Variants in GK5 observed in about 807,000 individuals in gnomAD.
The protein encoded by GK5 is ATP:glycerol 3-phosphotransferase 5.
GK5 carries 39 observed loss-of-function variants against 77.3 expected under a neutral mutation model. The ratio of observed to expected loss-of-function variants is 0.50; its 90% CI spans 0.39 to 0.66. The LOEUF is 0.66. Ranked by LOEUF, GK5 falls within the 30% of genes least tolerant of loss-of-function variation. GK5 has a pLI of 0.00. For missense variants in GK5, 487 were observed against 633.8 expected, an observed-to-expected ratio of 0.77 and a Z score of 2.49; for synonymous variants, 211 against 208.0, an observed-to-expected ratio of 1.01 and a Z score of -0.13.
intron 7 of GK5, 69 bp downstream of exon 7, chr3:142,186,383 T>C (rs914740138): frequency 1.5e-5 from 16 of 1,061,192 alleles, no homozygotes; most frequent in Non-Finnish European, 2.2e-5. Flanking sequence ...TAAACTAATT[T>C]TAAAAATTTA....
intron 4 of GK5, among the ~76,000 whole-genome samples, chr3:142,201,987 A>G (rs2107789751): frequency 6.6e-6 from 1 of 152,306 alleles, no homozygotes; most frequent in East Asian, 1.9e-4. Context: ...CAGATGTGCT[A>G]CATGAGCTCG....
intron 3 of GK5, among the ~76,000 whole-genome samples, chr3:142,207,732 G>A (rs1323737497): frequency 1.3e-5 from 2 of 152,080 alleles, no homozygotes; most frequent in Non-Finnish European, 2.9e-5. Flanking sequence ...GACCCCCCTG[G>A]ACCCAGCTTT....
At chr3:142,186,630 C>CT (rs781196956) in intron 6 of GK5, 117 bp from the exon 7 acceptor site, 32,003 of 261,316 alleles carry the variant, frequency 0.12, 589 homozygotes, top group South Asian at 0.16. Flanking sequence ...TGTGTATTTT[C>CT]TTTTTTTTTT....
rs543786098 is a variant in GK5 at position 142,183,420 on chromosome 3, A to G, written c.817-371T>C. The G allele has an allele frequency of 5.6e-5, 9 of 161,676 alleles. No individual in the cohort carries two copies. The East Asian group carries it at 1.6e-3, about 29-fold the overall frequency. The allele number at this position is 161,676 out of a possible 1,614,324, so 10.0% of individuals were successfully genotyped here. On this transcript the variant is annotated intron_variant, in intron 9 of 15. Coordinates refer to ENST00000392993, the MANE Select transcript of GK5 (RefSeq NM_001039547.3). ...GTGATCCTCCCACCTCAGCCTCCCAAGTAGCTAGGACTACAAGGCAGCTAG... is the reference window on the plus strand; with the variant it reads ...GTGATCCTCCCACCTCAGCCTCCCAGGTAGCTAGGACTACAAGGCAGCTAG...
intron 1 of GK5, among the ~76,000 whole-genome samples, chr3:142,221,775 T>C (rs1407601553): frequency 6.6e-6 from 1 of 152,210 alleles, no homozygotes; most frequent in Non-Finnish European, 1.5e-5. Context: ...CTTCTAGTAG[T>C]TAATTTGTAT....
chr3:142,193,831 C>T (rs1334147675), intron 5 of GK5, among the ~76,000 whole-genome samples: 1 of 152,154 alleles, frequency 6.6e-6, no homozygotes, highest in East Asian at 1.9e-4. Context: ...ACCTCTGCCT[C>T]CCCAGTTCAA....
At chr3:142,173,659 G>A (rs1265530669) in intron 12 of GK5, among the ~76,000 whole-genome samples, 1 of 151,840 alleles carries the variant, frequency 6.6e-6, no homozygotes, top group African/African-American at 2.4e-5. Flanking sequence ...ACTCTAGCCT[G>A]GGCAACAGAG....
chr3:142,183,446 G>A (rs1439550734), intron 9 of GK5: 1 of 157,122 alleles, frequency 6.4e-6, no homozygotes. Context: ...AGGCAGCTAG[G>A]ACTACAGGCG....
At chr3:142,209,041 C>G (rs996415570) in intron 3 of GK5, among the ~76,000 whole-genome samples, 2 of 151,854 alleles carry the variant, frequency 1.3e-5, no homozygotes, top group East Asian at 3.9e-4. Flanking sequence ...CCCAGCTCCT[C>G]GGGAGGCTGA....
chr3:142,211,744 T>A (rs1036436946), intron 3 of GK5, among the ~76,000 whole-genome samples: 1 of 152,154 alleles, frequency 6.6e-6, no homozygotes, highest in Non-Finnish European at 1.5e-5. Context: ...CAGTGAGCTA[T>A]GATCGTGCCA....
In GK5 at chr3:142,161,163, G is replaced by A. The variant is rs34001849; in HGVS notation, c.*4459C>T. 0.055 allele frequency: 8,392 copies of A among 152,132 alleles called. 257 individuals are homozygous for A. The highest frequency in any genetic ancestry group is 0.1 in the East Asian group (535 of 5,176). The allele number at this position is 152,132 out of a possible 1,614,324, so 9.4% of individuals were successfully genotyped here. On this transcript the variant is annotated 3_prime_UTR_variant, in exon 16 of 16. Transcript: ENST00000392993. ...TGCCCAGGCTGGAGTGCAATGGCGC[G>A]ATCTCGGCTCAACCGCAACCTCTGC... is the stretch of plus-strand genomic sequence containing the variant.
At chr3:142,185,855 G>C in intron 9 of GK5, 74 bp downstream of exon 9, 2 of 1,552,010 alleles carry the variant, frequency 1.3e-6, no homozygotes, top group African/African-American at 2.8e-5. Flanking sequence ...TTCTCTTAAA[G>C]CTAGTCTCAA....
At chr3:142,172,328 G>C in intron 13 of GK5, 25 bp downstream of exon 13, 1 of 1,097,382 alleles carries the variant, frequency 9.1e-7, no homozygotes, top group South Asian at 1.4e-5. Flanking sequence ...ATGGGGAAGG[G>C]GAAGTTTAGG....
intron 9 of GK5, chr3:142,183,254 A>G (rs2063721450): frequency 2.5e-6 from 1 of 394,366 alleles, no homozygotes; most frequent in East Asian, 3.9e-5. Context: ...CTCTGCAGAT[A>G]ACTGACATGC....
intron 1 of GK5, among the ~76,000 whole-genome samples, chr3:142,216,566 C>T: frequency 6.6e-6 from 1 of 152,068 alleles, no homozygotes; most frequent in African/African-American, 2.4e-5. Context: ...TGCTGCCTAA[C>T]CCCAGACATA....
At chr3:142,186,586 TAGA>T in intron 6 of GK5, 73 bp from the exon 7 acceptor site, 1 of 602,606 alleles carries the variant, frequency 1.7e-6, no homozygotes, top group Non-Finnish European at 2.8e-6. Flanking sequence ...GTATATAATA[TAGA>T]CCTTTGTCTA....
At chr3:142,220,004 T>C (rs184785761) in intron 1 of GK5, among the ~76,000 whole-genome samples, 3 of 152,326 alleles carry the variant, frequency 2.0e-5, no homozygotes, top group Admixed American at 2.0e-4. Context: ...TAAAAATCTA[T>C]GGCTTCAAGT....
chr3:142,185,911 C>G lies in GK5; in HGVS notation c.816+18G>C, dbSNP rs2063763743. ...AGTTTATACTATACAAAGGGAATCC[C>G]TCAAGTTTCCTACTTACCAAGGCAA... On this transcript the variant is annotated intron_variant, in intron 9 of 15. Transcript: ENST00000392993. 2 of 1,594,158 alleles carry G rather than the reference C, an allele frequency of 1.3e-6. No homozygotes were observed. The highest frequency in any genetic ancestry group is 3.5e-5 in the Admixed American group (2 of 57,360).
intron 1 of GK5, among the ~76,000 whole-genome samples, chr3:142,224,742 GAGTAGT>G (rs1251439597): frequency 1.8e-4 from 28 of 152,226 alleles, no homozygotes; most frequent in African/African-American, 6.5e-4. Context: ...GCATTTTGTG[GAGTAGT>G]AGTTAATAAA....
Sources: allele counts gnomAD v4.1 joint callset (sites outside exome capture counted in the v4.1 genomes callset), GRCh38; gene constraint gnomAD v4.1.1; transcripts MANE v1.5; gene names NCBI Gene and HGNC (gene_info 2026-07-23, HGNC 2026-07-21).